IQSEC3: variants seen among roughly 807,000 people sequenced by gnomAD.
The protein encoded by IQSEC3 is IQ motif and SEC7 domain-containing protein 3.
IQSEC3 carries 50 observed loss-of-function variants against 105.4 expected under a neutral mutation model. The observed-to-expected ratio is 0.47, with a 90% CI of 0.38 to 0.60. The LOEUF is 0.60. Among genes scored for constraint, IQSEC3 ranks in the 20% least tolerant of loss-of-function variants. The pLI, the probability that IQSEC3 is intolerant of heterozygous loss-of-function variation, is 0.00. For missense variants in IQSEC3, 1,415 were observed against 1,630.0 expected (o/e 0.87, Z 2.27); for synonymous variants, 708 against 746.0 (o/e 0.95, Z 0.83).
intron 11 of IQSEC3, among the ~76,000 whole-genome samples, chr12:168,761 G>A (rs1311669731): frequency 2.0e-5 from 3 of 152,128 alleles, no homozygotes; most frequent in Admixed American, 6.5e-5. Flanking sequence ...CCCTCACATC[G>A]GCCTCTTCTG....
intron 13 of IQSEC3, among the ~76,000 whole-genome samples, 184 bp from the exon 14 acceptor site, chr12:174,413 CCT>C (rs1939161244): frequency 6.6e-6 from 1 of 152,104 alleles, no homozygotes; most frequent in African/African-American, 2.4e-5. Flanking sequence ...CCTCTCGACT[CCT>C]CTCTCCCCCC....
At chr12:76,023 C>A (rs578143927) in intron 1 of IQSEC3, among the ~76,000 whole-genome samples, 17 of 152,340 alleles carry the variant, frequency 1.1e-4, no homozygotes, top group Non-Finnish European at 1.2e-4. Context: ...TGCCCCCAGC[C>A]TCTGACCACT....
chr12:75,803 AAG>A (rs1555068876), intron 1 of IQSEC3, among the ~76,000 whole-genome samples: 1 of 152,210 alleles, frequency 6.6e-6, no homozygotes, highest in African/African-American at 2.4e-5. Context: ...AGGGCTGAGG[AAG>A]AGTTGGGCAG....
intron 2 of IQSEC3, among the ~76,000 whole-genome samples, chr12:102,804 A>G (rs782087106): frequency 1.2e-4 from 18 of 152,200 alleles, no homozygotes; most frequent in Non-Finnish European, 2.5e-4. Flanking sequence ...GGGAGGCTGA[A>G]GGGAGGGCGT....
intron 8 of IQSEC3, among the ~76,000 whole-genome samples, chr12:162,410 A>T (rs1555096556): frequency 6.6e-6 from 1 of 152,048 alleles, no homozygotes; most frequent in East Asian, 1.9e-4. Context: ...GGTCCTGATG[A>T]GTGGAAGGCA....
chr12:132,422 C>A (rs905558855), intron 3 of IQSEC3, among the ~76,000 whole-genome samples: 4 of 152,144 alleles, frequency 2.6e-5, no homozygotes, highest in African/African-American at 9.7e-5. Context: ...AAAGAAAAGC[C>A]TGTGTTGACA....
At chr12:75,953 G>A (rs573967404) in intron 1 of IQSEC3, among the ~76,000 whole-genome samples, 3 of 152,332 alleles carry the variant, frequency 2.0e-5, no homozygotes, top group East Asian at 1.9e-4. Flanking sequence ...GACTGCCCCC[G>A]GCAATAAACA....
At position 157,701 on chromosome 12, in the gene IQSEC3, A is replaced by T; in HGVS notation, c.2443+7A>T. The T allele has an allele frequency of 6.2e-7, 1 of 1,609,498 alleles. No homozygotes were observed. Among genetic ancestry groups the T allele is most frequent in the Non-Finnish European group, 8.5e-7 (1 of 1,177,074 alleles). ...TTCATCCGAAACCTTCGAGGTGAGG[A>T]GGTGGGCACTGGGGCAGGAGGGGCA... On this transcript the variant is annotated splice_region_variant and intron_variant, in intron 7 of 13. Transcript: ENST00000538872.
intron 2 of IQSEC3, among the ~76,000 whole-genome samples, chr12:119,288 C>T (rs547868862): frequency 6.6e-6 from 1 of 152,294 alleles, no homozygotes; most frequent in East Asian, 1.9e-4. Flanking sequence ...TCCCTTGGCA[C>T]TCTTCTCAGC....
intron 1 of IQSEC3, among the ~76,000 whole-genome samples, chr12:94,092 C>A (rs1279720503): frequency 6.6e-6 from 1 of 152,224 alleles, no homozygotes; most frequent in East Asian, 1.9e-4. Flanking sequence ...TTAAAGCATT[C>A]TCCTAGCTGG....
At chr12:71,831 C>G (rs1410676904) in intron 1 of IQSEC3, among the ~76,000 whole-genome samples, 1 of 152,274 alleles carries the variant, frequency 6.6e-6, no homozygotes, top group Non-Finnish European at 1.5e-5. Flanking sequence ...TGTTCTTCCC[C>G]TATCCCCAGC....
rs1865908323 is a variant in IQSEC3, at chr12:139,110, G to T, written c.1747G>T (p.Val583Leu). The change falls in exon 4 of 14, where the codon GTG becomes TTG. Residue 583 changes from valine (V) to leucine (L), a missense_variant. Physicochemically the swap from Val to Leu is conservative, Grantham distance 32. Around this residue, in one of 6 missense-constraint regions of IQSEC3, gnomAD observed 720 missense variants for 633.0 expected, o/e 1.14. Coordinates refer to ENST00000538872, the MANE Select transcript of IQSEC3 (RefSeq NM_001170738.2). ...AGAGGAGGAGGAGGAGACGGCGGAG[G>T]TGGGGAGAGGGGCCGAGGCCGAGGC... ...EEEEEEETAE[V>L]GRGAEAEAGD... 1.3e-6 allele frequency: 2 copies of T among 1,508,252 alleles called. No homozygotes were observed. Among genetic ancestry groups the T allele is most frequent in the East Asian group, 4.9e-5 (2 of 40,796 alleles). 93.4% of individuals were successfully genotyped at this position (1,508,252 alleles called of 1,614,324 possible).
chr12:129,978 GC>G (rs1295498813), intron 3 of IQSEC3, among the ~76,000 whole-genome samples: 1 of 152,192 alleles, frequency 6.6e-6, no homozygotes, highest in Non-Finnish European at 1.5e-5. Context: ...GGGCCTCCTG[GC>G]CCCTTCCCAC....
chr12:137,170 C>A (rs782160071), intron 3 of IQSEC3, among the ~76,000 whole-genome samples: 6 of 152,050 alleles, frequency 3.9e-5, no homozygotes, highest in Non-Finnish European at 7.4e-5. Flanking sequence ...AACTTTTTAG[C>A]AAATCCACGT....
At chr12:69,746 G>A (rs1377610202) in intron 1 of IQSEC3, among the ~76,000 whole-genome samples, 3 of 152,254 alleles carry the variant, frequency 2.0e-5, no homozygotes, top group Non-Finnish European at 4.4e-5. Context: ...CCCCACAGTG[G>A]CCCAACTTCA....
rs991181579 is a variant in IQSEC3, at chr12:178,406, T to A, written c.*3373T>A. On this transcript the variant is annotated 3_prime_UTR_variant, in exon 14 of 14. Transcript: ENST00000538872. ...AACAAAATAGCCCAGAGGTATTTTATCTGTTCAATTCATAGAGTTTTAGAG... is the reference window on the plus strand; with the variant it reads ...AACAAAATAGCCCAGAGGTATTTTAACTGTTCAATTCATAGAGTTTTAGAG... 6.6e-6 allele frequency: 1 copy of A among 152,272 alleles called. No individual in the cohort carries two copies. The highest frequency in any genetic ancestry group is 1.5e-5 in the Non-Finnish European group (1 of 68,056). 9.4% of individuals were successfully genotyped at this position (152,272 alleles called of 1,614,324 possible).
At chr12:92,904 TG>T (rs1437643793) in intron 1 of IQSEC3, among the ~76,000 whole-genome samples, 1 of 152,220 alleles carries the variant, frequency 6.6e-6, no homozygotes, top group African/African-American at 2.4e-5. Flanking sequence ...CAGCACTGGT[TG>T]ATTTCAAGAA....
intron 5 of IQSEC3, among the ~76,000 whole-genome samples, chr12:149,869 G>A (rs1282436375): frequency 2.0e-5 from 3 of 152,170 alleles, no homozygotes; most frequent in Admixed American, 6.5e-5. Context: ...GGGAAGCGGC[G>A]AGAGAAGCTG....
chr12:117,173 T>C (rs1227539831), intron 2 of IQSEC3, among the ~76,000 whole-genome samples: 9 of 152,152 alleles, frequency 5.9e-5, no homozygotes. Flanking sequence ...TGTTGAGAGA[T>C]GGGAGCTCTC....
Sources: allele counts gnomAD v4.1 joint callset (sites outside exome capture counted in the v4.1 genomes callset), GRCh38; gene constraint gnomAD v4.1.1; regional missense constraint gnomAD v4.1.1; transcripts MANE v1.5; gene names NCBI Gene and HGNC (gene_info 2026-07-23, HGNC 2026-07-21).